Variants in FGF13 observed in about 807,000 individuals in gnomAD.
FGF13 encodes fibroblast growth factor 13, also known as fibroblast growth factor homologous factor 2.
A neutral mutation model predicts 19.5 loss-of-function variants in FGF13; 2 were observed. The observed-to-expected ratio is 0.10, with a 90% CI of 0.04 to 0.32. FGF13 has a LOEUF of 0.32. Among genes scored for constraint, FGF13 ranks in the 10% least tolerant of loss-of-function variants. FGF13 has a pLI of 1.00. For synonymous variants in FGF13, 72 were observed against 76.9 expected, an observed-to-expected ratio of 0.94 and a Z score of 0.33; for missense variants, 113 against 192.7, an observed-to-expected ratio of 0.59 and a Z score of 2.45.
intron 1 of FGF13, among the ~76,000 whole-genome samples, chrX:138,934,389 T>C (rs1428338666): frequency 1.8e-5 from 2 of 112,045 alleles, no homozygotes; most frequent in Admixed American, 9.4e-5. Flanking sequence ...CCCCATATGA[T>C]CACATCTAAA....
chrX:138,646,911 T>TA (rs777295387), intron 3 of FGF13, among the ~76,000 whole-genome samples: 15 of 110,888 alleles, frequency 1.4e-4, no homozygotes, highest in Non-Finnish European at 2.8e-4. Flanking sequence ...CACAGAAAGT[T>TA]AAAAAAATGG....
At position 138,711,317 on chromosome X, in the gene FGF13, G is replaced by A. The variant is rs1226509704; in HGVS notation, c.-314C>T. ...ATGCTGAACTGCGCGACTGCGTGTG[G>A]TCGGCCCCTGCGCCCGGCGGACACC... is the stretch of plus-strand genomic sequence containing the variant. On this transcript the variant is annotated 5_prime_UTR_variant, in exon 1 of 5. Transcript: ENST00000315930. The A allele has an allele frequency of 1.2e-6, 1 of 848,828 alleles. No individual in the cohort carries two copies. The highest frequency in any genetic ancestry group is 1.4e-6 in the Non-Finnish European group (1 of 703,398). 70.0% of individuals were successfully genotyped at this position (848,828 alleles called of 1,213,427 possible).
At chrX:138,744,435 T>G (rs2090341310) in intron 3 of FGF13, among the ~76,000 whole-genome samples, 1 of 111,811 alleles carries the variant, frequency 8.9e-6, no homozygotes, top group Non-Finnish European at 1.9e-5. Context: ...TGATAATTAT[T>G]TCTTTATTGG....
At chrX:138,745,234 TA>T (rs1482886973) in intron 3 of FGF13, among the ~76,000 whole-genome samples, 2 of 112,140 alleles carry the variant, frequency 1.8e-5, no homozygotes, top group Admixed American at 1.9e-4. Flanking sequence ...TTAAAGGAGT[TA>T]GGGGTATGTG....
At chrX:138,650,967 G>C (rs908057047) in intron 3 of FGF13, among the ~76,000 whole-genome samples, 1 of 111,603 alleles carries the variant, frequency 9.0e-6, no homozygotes, top group Non-Finnish European at 1.9e-5. Context: ...ACACACTTTG[G>C]TGTCACTGAA....
intron 1 of FGF13, among the ~76,000 whole-genome samples, chrX:138,958,069 AG>A (rs1211781544): frequency 8.9e-6 from 1 of 112,010 alleles, no homozygotes; most frequent in Non-Finnish European, 1.9e-5. Context: ...TATGTTGAAT[AG>A]GAGTGGTGAG....
In FGF13 at chrX:139,016,965, G is replaced by A. The variant is rs17001923; in HGVS notation, c.-112-152315C>T. On this transcript the variant is annotated intron_variant, in intron 1 of 2. Coordinates refer to the FGF13 transcript ENST00000421460. ...AATATTCATATCCTTCCTTCACACCGAATACTCAAAACAGATCTCTGTGGT... is the reference window on the plus strand; with the variant it reads ...AATATTCATATCCTTCCTTCACACCAAATACTCAAAACAGATCTCTGTGGT... Among the ~76,000 whole-genome samples the A allele has an allele frequency of 8.7e-3, 949 of 109,546 alleles. 4 individuals carry two copies. The highest frequency in any genetic ancestry group is 0.016 in the African/African-American group (474 of 30,177).
intron 1 of FGF13, among the ~76,000 whole-genome samples, chrX:138,887,334 T>A (rs777562144): frequency 3.7e-4 from 41 of 111,901 alleles, no homozygotes; most frequent in African/African-American, 1.3e-3. Flanking sequence ...TTGTTTCAAT[T>A]TTACTTTAAT....
intron 1 of FGF13, among the ~76,000 whole-genome samples, chrX:139,003,367 T>C (rs2092083359): frequency 8.9e-6 from 1 of 111,746 alleles, no homozygotes; most frequent in African/African-American, 3.3e-5. Context: ...AAAAGCAGCG[T>C]GGACCCAAAG....
intron 1 of FGF13, among the ~76,000 whole-genome samples, chrX:139,152,589 T>C (rs2083943564): frequency 9.0e-6 from 1 of 110,559 alleles, no homozygotes; most frequent in Admixed American, 9.6e-5. Flanking sequence ...AAAGCTCCGT[T>C]AAATATCATA....
intron 3 of FGF13, among the ~76,000 whole-genome samples, chrX:138,637,040 C>T (rs978989627): frequency 9.0e-6 from 1 of 111,571 alleles, no homozygotes; most frequent in Admixed American, 9.5e-5. Context: ...GCCTAATCTC[C>T]CCCCATCTTC....
chrX:138,720,907 G>C (rs2090142689), intron 1 of FGF13, among the ~76,000 whole-genome samples: 1 of 111,759 alleles, frequency 8.9e-6, no homozygotes, highest in South Asian at 3.8e-4. Flanking sequence ...TCAACCACTG[G>C]GGACTGGGAG....
At chrX:139,103,993 G>A (rs1002076705) in intron 1 of FGF13, among the ~76,000 whole-genome samples, 3 of 111,313 alleles carry the variant, frequency 2.7e-5, no homozygotes, top group Non-Finnish European at 5.6e-5. Context: ...AAGTAACAGT[G>A]ACCTGGAACA....
chrX:138,824,901 G>A (rs747334929), intron 3 of FGF13, among the ~76,000 whole-genome samples: 4 of 111,725 alleles, frequency 3.6e-5, no homozygotes, highest in Admixed American at 9.5e-5. Context: ...CAATTCGTGC[G>A]TAAGAACAAT....
intron 3 of FGF13, among the ~76,000 whole-genome samples, chrX:138,846,043 A>C (rs1024603184): frequency 9.0e-6 from 1 of 111,090 alleles, no homozygotes; most frequent in Admixed American, 9.6e-5. Flanking sequence ...TATCCCATAG[A>C]GGGCTGTGAT....
At chrX:138,745,346 G>A (rs1383427111) in intron 3 of FGF13, among the ~76,000 whole-genome samples, 1 of 111,825 alleles carries the variant, frequency 8.9e-6, no homozygotes, top group African/African-American at 3.3e-5. Context: ...TGTATACAAT[G>A]CAGGGAAAAT....
intron 1 of FGF13, among the ~76,000 whole-genome samples, chrX:139,001,786 C>T (rs1468476347): frequency 9.0e-6 from 1 of 111,679 alleles, no homozygotes; most frequent in African/African-American, 3.3e-5. Flanking sequence ...TGTGGCAATT[C>T]CTCAAGGATC....
intron 1 of FGF13, among the ~76,000 whole-genome samples, chrX:139,059,437 A>C (rs1218621654): frequency 9.1e-6 from 1 of 109,552 alleles, no homozygotes; most frequent in Non-Finnish European, 1.9e-5. Flanking sequence ...AAAAAGAGAG[A>C]GAGAGAGAGA....
At chrX:138,862,513 C>T (rs1162179308) in intron 2 of FGF13, among the ~76,000 whole-genome samples, 1 of 110,922 alleles carries the variant, frequency 9.0e-6, no homozygotes, top group Non-Finnish European at 1.9e-5. Context: ...GACATCCTTA[C>T]CTAATCAGAA....
Sources: gnomAD v4.1 joint callset for allele counts (sites outside exome capture counted in the v4.1 genomes callset) on GRCh38, gnomAD v4.1.1 for gene constraint, MANE v1.5 for transcripts, NCBI Gene and HGNC (gene_info 2026-07-23, HGNC 2026-07-21) for gene names.